The following ZNF480 variants were observed in gnomAD, a reference collection of about 807,000 sequenced individuals.
The protein encoded by ZNF480 is zinc finger protein 480.
Under a neutral mutation model 14.4 loss-of-function variants are expected in ZNF480, and 15 were observed. The ratio of observed to expected loss-of-function variants is 1.04; its 90% CI spans 0.70 to 1.60. The LOEUF is 1.60. Ranked by LOEUF, ZNF480 falls within the 40% of genes most tolerant of loss-of-function variation. The pLI, the probability that ZNF480 is intolerant of heterozygous loss-of-function variation, is 0.00. For missense variants in ZNF480, 593 were observed against 629.7 expected, an observed-to-expected ratio of 0.94 and a Z score of 0.62; for synonymous variants, 218 against 215.5, an observed-to-expected ratio of 1.01 and a Z score of -0.10.
intron 1 of ZNF480, 119 bp downstream of exon 1, chr19:52,297,342 A>C: frequency 2.6e-6 from 1 of 382,468 alleles, no homozygotes; most frequent in South Asian, 1.8e-5. Context: ...TACCCCGACC[A>C]AATTCAGGCG....
Position 52,321,702 on chromosome 19 carries a change from G to C in ZNF480, c.452G>C (p.Cys151Ser), listed in dbSNP as rs142942426. Residue 151 changes from cysteine to serine, a missense_variant, in exon 5 of 5, where the codon TGT becomes TCT. Physicochemically the swap from Cys to Ser is moderately radical, Grantham distance 112. Coordinates refer to ENST00000595962, the MANE Select transcript of ZNF480 (RefSeq NM_144684.4). ...CCAGATGAAAGGGTAATAAATGGAT[G>C]TAATCAAGTTGAAAACTTTATCAAC... ...LFPDERVING[C>S]NQVENFINHS... 1.2e-6 allele frequency: 2 copies of C among 1,614,116 alleles called. No homozygotes were observed. Among genetic ancestry groups the C allele is most frequent in the African/African-American group, 1.3e-5 (1 of 75,058 alleles).
At position 52,322,759 on chromosome 19, in the gene ZNF480, A is replaced by G. The variant is rs1983906319; in HGVS notation, c.1509A>G (p.Lys503=). Residue 503 remains lysine (K), a synonymous_variant, in exon 5 of 5, where the codon AAA becomes AAG. Transcript: ENST00000595962. ...TTGCACACCTTGCACGACATCGGAA[A>G]ATTCATACTGGAGAGAAACCTTACA... The part of the protein sequence containing the change: ...NRIAHLARHR[K]IHTGEKPYKC... The G allele has an allele frequency of 1.2e-6, 2 of 1,613,758 alleles. No individual in the cohort carries two copies. Among genetic ancestry groups the G allele is most frequent in the Admixed American group, 1.7e-5 (1 of 59,972 alleles).
chr19:52,306,926 T>G (rs1982960412), intron 2 of ZNF480, among the ~76,000 whole-genome samples: 1 of 152,180 alleles, frequency 6.6e-6, no homozygotes, highest in African/African-American at 2.4e-5. Flanking sequence ...GCCACTCTTT[T>G]TCTTCAAAAT....
chr19:52,322,078 A>G lies in ZNF480; in HGVS notation c.828A>G (p.Arg276=). 6.2e-7 allele frequency: 1 copy of G among 1,614,052 alleles called. No homozygotes were observed. Among genetic ancestry groups the G allele is most frequent in the Non-Finnish European group, 8.5e-7 (1 of 1,179,982 alleles). The change falls in exon 5 of 5, where the codon CGA becomes CGG. Residue 276 remains arginine (R), a synonymous_variant. Transcript: ENST00000595962. ...KVFSYNSNFA[R]HQRIHTREKP... ...TTAGTTACAATTCAAACTTTGCACGACATCAAAGAATTCATACCAGAGAGA... is the reference window on the plus strand; with the variant it reads ...TTAGTTACAATTCAAACTTTGCACGGCATCAAAGAATTCATACCAGAGAGA...
intron 2 of ZNF480, among the ~76,000 whole-genome samples, chr19:52,302,642 A>G (rs1982750763): frequency 1.3e-5 from 2 of 152,268 alleles, no homozygotes; most frequent in African/African-American, 4.8e-5. Context: ...CTACACATAC[A>G]TGCACATAAG....
intron 2 of ZNF480, among the ~76,000 whole-genome samples, chr19:52,310,624 A>T (rs527424889): frequency 3.9e-5 from 6 of 152,084 alleles, no homozygotes; most frequent in Non-Finnish European, 7.4e-5. Flanking sequence ...GTTTCATGAG[A>T]CGTTCTTGCT....
chr19:52,317,562 G>C (rs923696199), intron 4 of ZNF480: 4 of 152,134 alleles, frequency 2.6e-5, no homozygotes, highest in Non-Finnish European at 4.4e-5. Context: ...GTAGAGACAG[G>C]GTTTCACCAT....
intron 2 of ZNF480, among the ~76,000 whole-genome samples, chr19:52,312,738 C>G (rs113116800): frequency 6.6e-6 from 1 of 152,072 alleles, no homozygotes; most frequent in South Asian, 2.1e-4. Flanking sequence ...GGAGTTAGTA[C>G]ATGTAAAGCA....
intron 2 of ZNF480, among the ~76,000 whole-genome samples, chr19:52,304,580 G>T (rs1374322723): frequency 6.6e-6 from 1 of 151,988 alleles, no homozygotes; most frequent in Non-Finnish European, 1.5e-5. Context: ...CTTAACAATG[G>T]CTGCCATGAA....
chr19:52,302,060 T>C lies in ZNF480; in HGVS notation c.72+1576T>C, dbSNP rs1982718898. 3 of 220,478 alleles carry C rather than the reference T, an allele frequency of 1.4e-5. No individual in the cohort carries two copies. The South Asian group carries it at 2.1e-4, about 16-fold the overall frequency. The allele number at this position is 220,478 out of a possible 1,614,324, so 13.7% of individuals were successfully genotyped here. A position where few individuals can be genotyped will look rare whatever the true frequency, so the allele number is the denominator to read the frequency against. On this transcript the variant is annotated intron_variant, in intron 2 of 4. Transcript: ENST00000595962. Reference sequence around the variant, plus strand: ...GTCCTCGGGTTCCTCCCAAAATCTCTTCCTCAGCATCTGGCTCATGATAAG... The same window carrying C: ...GTCCTCGGGTTCCTCCCAAAATCTCCTCCTCAGCATCTGGCTCATGATAAG...
chr19:52,302,105 T>C, intron 2 of ZNF480: 1 of 243,802 alleles, frequency 4.1e-6, no homozygotes, highest in Non-Finnish European at 8.1e-6. Flanking sequence ...GTCTTAATGG[T>C]ATCCAAATCG....
intron 1 of ZNF480, among the ~76,000 whole-genome samples, chr19:52,298,326 G>A (rs564163387): frequency 1.3e-5 from 2 of 152,088 alleles, no homozygotes; most frequent in Non-Finnish European, 1.5e-5. Flanking sequence ...GAGCAGAGGG[G>A]GAGTAGAGTC....
rs1568637476 is a variant in ZNF480 at position 52,322,554 on chromosome 19, C to T, written c.1304C>T (p.Ala435Val). The change falls in exon 5 of 5, where the codon GCA (alanine) becomes GTA (valine). Residue 435 changes from alanine (A) to valine (V), a missense_variant. Physicochemically the swap from Ala to Val is moderately conservative, Grantham distance 64. Transcript: ENST00000595962. ...KPYKCNECGKAFSEYSGLSAH... is the reference protein window; with the variant it reads ...KPYKCNECGKVFSEYSGLSAH... ...TACAAATGTAATGAATGTGGTAAAG[C>T]ATTTAGTGAGTATTCAGGCCTTTCA... The T allele has an allele frequency of 1.9e-6, 3 of 1,613,752 alleles. No homozygotes were observed. Among genetic ancestry groups the T allele is most frequent in the Non-Finnish European group, 2.5e-6 (3 of 1,179,972 alleles).
chr19:52,310,938 G>C (rs1171624095), intron 2 of ZNF480, among the ~76,000 whole-genome samples: 1 of 145,870 alleles, frequency 6.9e-6, no homozygotes, highest in Non-Finnish European at 1.5e-5. Flanking sequence ...CCGGGAGGCA[G>C]AGCTTACAGT....
In ZNF480 at chr19:52,322,324, T is replaced by G. The variant is rs1459541316; in HGVS notation, c.1074T>G (p.Leu358=). 6.2e-7 allele frequency: 1 copy of G among 1,613,156 alleles called. No individual in the cohort carries two copies. The highest frequency in any genetic ancestry group is 1.3e-5 in the African/African-American group (1 of 74,734). The change falls in exon 5 of 5, where the codon CTT becomes CTG. Residue 358 remains leucine, a synonymous_variant. Coordinates refer to ENST00000595962, the MANE Select transcript of ZNF480 (RefSeq NM_144684.4). ...AGGCCTTCTATAGGATTGCGCTCCT[T>G]GTACGACATCAGAAAATTCATACTG... The part of the protein sequence containing the change: ...CGKAFYRIAL[L]VRHQKIHTGE...
At chr19:52,300,864 G>T in intron 2 of ZNF480, 1 of 249,576 alleles carries the variant, frequency 4.0e-6, no homozygotes, top group South Asian at 6.8e-5. Flanking sequence ...AAGGAGTAGA[G>T]AAACAGTCTT....
intron 4 of ZNF480, among the ~76,000 whole-genome samples, chr19:52,320,936 C>T (rs1319160685): frequency 6.6e-6 from 1 of 152,114 alleles, no homozygotes; most frequent in Non-Finnish European, 1.5e-5. Context: ...TACACTATAC[C>T]ACTGCACTCC....
rs150387803 is a variant in ZNF480, at chr19:52,319,366, G to A, written c.329-2213G>A. On this transcript the variant is annotated intron_variant, in intron 4 of 4. Coordinates refer to ENST00000595962, the MANE Select transcript of ZNF480 (RefSeq NM_144684.4). ...TTGCAGGTGACTTTTGCTAAATATAGTATTCTTGGTTGATTTTAAGCACTT... is the reference window on the plus strand; with the variant it reads ...TTGCAGGTGACTTTTGCTAAATATAATATTCTTGGTTGATTTTAAGCACTT... Among the ~76,000 whole-genome samples the A allele has an allele frequency of 2.7e-4, 41 of 152,226 alleles. No individual in the cohort carries two copies. In the East Asian group the frequency reaches 7.7e-3, roughly 29 times the overall value.
At position 52,322,691 on chromosome 19, in the gene ZNF480, A is replaced by G; in HGVS notation, c.1441A>G (p.Arg481Gly). ...TNHQRIHTGE[R>G]PYKCNECGKV... ...TCATCAGAGAATCCATACTGGAGAA[A>G]GACCTTACAAATGTAATGAATGTGG... The change falls in exon 5 of 5, where the codon AGA becomes GGA. Residue 481 changes from arginine (R) to glycine (G), a missense_variant. By Grantham distance (125) the Arg-to-Gly change is moderately radical. Coordinates refer to ENST00000595962, the MANE Select transcript of ZNF480 (RefSeq NM_144684.4). The G allele has an allele frequency of 6.2e-7, 1 of 1,613,848 alleles. No individual in the cohort carries two copies. The highest frequency in any genetic ancestry group is 1.1e-5 in the South Asian group (1 of 91,068).
Sources: allele counts gnomAD v4.1 joint callset (sites outside exome capture counted in the v4.1 genomes callset), GRCh38; gene constraint gnomAD v4.1.1; transcripts MANE v1.5; gene names NCBI Gene and HGNC (gene_info 2026-07-23, HGNC 2026-07-21).